The following NDRG2 variants were observed in gnomAD, a reference collection of about 807,000 sequenced individuals.
NDRG2 encodes NDRG family member 2, also known as protein NDRG2.
In NDRG2, 34 loss-of-function variants were observed where a neutral mutation model predicts 58.2. The observed-to-expected ratio is 0.58, with a 90% CI of 0.44 to 0.78. The LOEUF is 0.78. Ranked by LOEUF, NDRG2 falls within the 30% of genes least tolerant of loss-of-function variation. The pLI is 0.00. For synonymous variants in NDRG2, 187 were observed against 175.9 expected (o/e 1.06, Z -0.50); for missense variants, 434 against 471.2 (o/e 0.92, Z 0.73).
chr14:21,017,472 T>C lies in NDRG2; in HGVS notation c.*124A>G. The C allele has an allele frequency of 2.8e-6, 3 of 1,080,934 alleles. No homozygotes were observed. Among genetic ancestry groups the C allele is most frequent in the Non-Finnish European group, 4.0e-6 (3 of 759,376 alleles). The allele number at this position is 1,080,934 out of a possible 1,614,324, so 67.0% of individuals were successfully genotyped here. ...TTAGGGTAGCAATCAAAGATCAAGG[T>C]CATCTCCCCGCATGATCTGCCCTTT... On this transcript the variant is annotated 3_prime_UTR_variant, in exon 16 of 16. Transcript: ENST00000556147.
At chr14:21,043,737 C>T (rs1012553769) in intron 1 of NDRG2, 8 of 377,130 alleles carry the variant, frequency 2.1e-5, no homozygotes, top group African/African-American at 1.5e-4. Flanking sequence ...ACATGTCTCC[C>T]CTGCCCCCTG....
At chr14:21,030,777 G>T (rs1259333938), upstream of NDRG2, 4 of 1,610,718 alleles carry the variant, frequency 2.5e-6, no homozygotes, top group Non-Finnish European at 3.4e-6. Context: ...AAATATGGAG[G>T]TGGGGGTGAG....
chr14:21,055,634 G>A, intron 1 of NDRG2, among the ~76,000 whole-genome samples: 1 of 152,326 alleles, frequency 6.6e-6, no homozygotes, highest in Middle Eastern at 3.4e-3. Context: ...TGTTTGCAAC[G>A]TATTTGGAAT....
chr14:21,031,034 A>G (rs760153485), intron 1 of NDRG2: 2 of 1,611,262 alleles, frequency 1.2e-6, no homozygotes, highest in Non-Finnish European at 1.7e-6. Flanking sequence ...CCGAACCATC[A>G]CGTTTCAACA....
Position 21,070,837 on chromosome 14 carries a change from A to G in NDRG2, c.15T>C (p.Gly5=), listed in dbSNP as rs1415648849. ...GGTCATGAGAACTGACCTGCATGGA[A>G]CCACCATTTTCCATCCCTGTCCCCA... is the stretch of plus-strand genomic sequence containing the variant. Residue 5 remains glycine, a synonymous_variant, in exon 1 of 15, where the codon GGT becomes GGC. Transcript: ENST00000403829. This position sits in a 1 kb window ranked among gnomAD's most constrained non-coding sequence, Gnocchi z 4.7. 6.5e-7 allele frequency: 1 copy of G among 1,535,516 alleles called. No homozygotes were observed. Among genetic ancestry groups the G allele is most frequent in the Non-Finnish European group, 8.7e-7 (1 of 1,146,854 alleles).
At position 21,024,927 on chromosome 14, in the gene NDRG2, C is replaced by T; in HGVS notation, c.-904G>A. The stretch of plus-strand genomic sequence containing the variant: ...GCGCCCGCTCCGTGCTGGCCCTTTC[C>T]CCCGAGCCTCCAGCTCCAGGGGACG... On this transcript the variant is annotated 5_prime_UTR_variant, in exon 1 of 16. Coordinates refer to ENST00000556147, the MANE Select transcript of NDRG2 (RefSeq NM_001320329.2). 2 of 985,630 alleles carry T rather than the reference C, an allele frequency of 2.0e-6. No individual in the cohort carries two copies. Among genetic ancestry groups the T allele is most frequent in the Non-Finnish European group, 2.4e-6 (2 of 830,082 alleles). The allele number at this position is 985,630 out of a possible 1,614,324, so 61.1% of individuals were successfully genotyped here. A position where few individuals can be genotyped will look rare whatever the true frequency, so the allele number is the denominator to read the frequency against.
upstream of NDRG2, among the ~76,000 whole-genome samples, chr14:21,026,436 G>A (rs1260979329): frequency 6.6e-6 from 1 of 151,282 alleles, no homozygotes; most frequent in Non-Finnish European, 1.5e-5. Flanking sequence ...GCTGCCAACT[G>A]CAACACCAGC....
At chr14:21,062,948 T>TAAAA (rs36072613) in intron 1 of NDRG2, among the ~76,000 whole-genome samples, 4 of 128,148 alleles carry the variant, frequency 3.1e-5, no homozygotes, top group African/African-American at 1.2e-4. Flanking sequence ...ACCTTGTCTC[T>TAAAA]AAAAAAAAAA....
intron 1 of NDRG2, among the ~76,000 whole-genome samples, chr14:21,051,003 T>C (rs1885441416): frequency 6.6e-6 from 1 of 152,234 alleles, no homozygotes; most frequent in African/African-American, 2.4e-5. Flanking sequence ...TTTTCTATCA[T>C]ACAAAGTTAT....
At position 21,017,267 on chromosome 14, in the gene NDRG2, C is replaced by T; in HGVS notation, c.*329G>A. On this transcript the variant is annotated 3_prime_UTR_variant, in exon 16 of 16. Transcript: ENST00000556147. ...GGAGAGTCTGATGGAGGCACCAGGA[C>T]AACTACAACAACCTCTTACCCCTCA... 1 of 402,442 alleles carries T rather than the reference C, an allele frequency of 2.5e-6. No individual in the cohort carries two copies. Among genetic ancestry groups the T allele is most frequent in the Non-Finnish European group, 4.7e-6 (1 of 210,596 alleles). The allele number at this position is 402,442 out of a possible 1,614,324, so 24.9% of individuals were successfully genotyped here.
At chr14:21,058,928 G>A (rs57785086) in intron 1 of NDRG2, among the ~76,000 whole-genome samples, 75,882 of 151,740 alleles carry the variant, frequency 0.5, 20,666 homozygotes, top group Non-Finnish European at 0.6. Context: ...AAAAGGCCCT[G>A]AAACACTTAC....
intron 1 of NDRG2, among the ~76,000 whole-genome samples, chr14:21,069,719 C>G (rs1458668660): frequency 1.3e-5 from 2 of 151,876 alleles, no homozygotes; most frequent in Admixed American, 6.5e-5. Flanking sequence ...GGCGGGCAAG[C>G]CCCCGGGGGG....
At chr14:21,034,344 G>A (rs1884472517) in intron 1 of NDRG2, 3 of 1,301,048 alleles carry the variant, frequency 2.3e-6, no homozygotes, top group Non-Finnish European at 3.2e-6. Flanking sequence ...TGAAGTGGCT[G>A]TCTGCCACAT....
At chr14:21,069,211 C>T (rs1473023966) in intron 1 of NDRG2, among the ~76,000 whole-genome samples, 3 of 152,224 alleles carry the variant, frequency 2.0e-5, no homozygotes, top group African/African-American at 7.2e-5. Flanking sequence ...CCTGGGAGAC[C>T]CCCCATCTGG....
chr14:21,057,748 G>C, intron 1 of NDRG2: 1 of 676,608 alleles, frequency 1.5e-6, no homozygotes, highest in Non-Finnish European at 2.5e-6. Flanking sequence ...AGAATGCCAG[G>C]GGTGTTCAAT....
In NDRG2 at chr14:21,070,537, C is replaced by A; in HGVS notation, c.24+291G>T. On this transcript the variant is annotated intron_variant, in intron 1 of 14. Transcript: ENST00000403829. This position sits in a 1 kb window ranked among gnomAD's most constrained non-coding sequence, Gnocchi z 4.7. ...TCTGGGACTCTCCTCCCTCCCATCCCCCCTTCTTCGATTTGTCTGTCTGCC... is the reference window on the plus strand; with the variant it reads ...TCTGGGACTCTCCTCCCTCCCATCCACCCTTCTTCGATTTGTCTGTCTGCC... The A allele has an allele frequency of 9.2e-7, 1 of 1,090,898 alleles. No homozygotes were observed. The highest frequency in any genetic ancestry group is 2.7e-5 in the East Asian group (1 of 36,692). The allele number at this position is 1,090,898 out of a possible 1,614,324, so 67.6% of individuals were successfully genotyped here.
chr14:21,067,563 A>G (rs1320140276), intron 1 of NDRG2, among the ~76,000 whole-genome samples: 1 of 152,206 alleles, frequency 6.6e-6, no homozygotes. Context: ...AATAAGCTGC[A>G]ATTTCTTCTG....
chr14:21,042,577 T>C (rs1004738692), intron 1 of NDRG2: 1 of 198,152 alleles, frequency 5.0e-6, no homozygotes, highest in Non-Finnish European at 1.0e-5. Flanking sequence ...GGACACGCAT[T>C]GGGGAAAGGG....
In NDRG2 at chr14:21,044,903, C is replaced by T. The variant is rs114966203; in HGVS notation, c.25-21582G>A. On this transcript the variant is annotated intron_variant, in intron 1 of 14. Transcript: ENST00000403829. ...CCAGAGTCAGAGTAAGCTTTGGAGC[C>T]AGACAGAATCAGGTGTAAATCCTGA... Among the ~76,000 whole-genome samples the T allele has an allele frequency of 3.2e-3, 494 of 152,302 alleles. 2 individuals are homozygous for T. The highest frequency in any genetic ancestry group is 0.011 in the African/African-American group (466 of 41,562).
Sources: gnomAD v4.1 joint callset for allele counts (sites outside exome capture counted in the v4.1 genomes callset) on GRCh38, gnomAD v4.1.1 for gene constraint, Gnocchi (gnomAD v3.1) non-coding constraint, MANE v1.5 for transcripts, NCBI Gene and HGNC (gene_info 2026-07-23, HGNC 2026-07-21) for gene names.